Variants in TMEM132B observed in about 807,000 individuals in gnomAD.
The protein encoded by TMEM132B is transmembrane protein 132B.
In TMEM132B, 18 loss-of-function variants were observed where a neutral mutation model predicts 90.8. The ratio of observed to expected loss-of-function variants is 0.20; its 90% CI spans 0.14 to 0.29. The LOEUF (loss-of-function observed/expected upper bound fraction) is 0.29. Ranked by LOEUF, TMEM132B falls within the 10% of genes least tolerant of loss-of-function variation. The probability of loss-of-function intolerance (pLI) is 1.00; values close to 1 mark genes in which losing one functional copy is unlikely to be tolerated. For missense variants in TMEM132B, 1,096 were observed against 1,326.8 expected, an observed-to-expected ratio of 0.83 and a Z score of 2.70; for synonymous variants, 504 against 523.3, an observed-to-expected ratio of 0.96 and a Z score of 0.50.
intron 2 of TMEM132B, among the ~76,000 whole-genome samples, chr12:125,387,592 G>A (rs1878878416): frequency 6.6e-6 from 1 of 152,158 alleles, no homozygotes; most frequent in African/African-American, 2.4e-5. Context: ...GAACAGCATT[G>A]GAAACAGCTT....
At chr12:125,394,501 C>T (rs189023092) in intron 2 of TMEM132B, among the ~76,000 whole-genome samples, 14 of 152,180 alleles carry the variant, frequency 9.2e-5, no homozygotes, top group Admixed American at 7.8e-4. Context: ...GTCAAGTGGG[C>T]GACAGGGTTG....
intron 1 of TMEM132B, among the ~76,000 whole-genome samples, chr12:125,265,639 T>C (rs1475569811): frequency 6.6e-6 from 1 of 152,240 alleles, no homozygotes; most frequent in Non-Finnish European, 1.5e-5. Flanking sequence ...CAGGGGCCTC[T>C]GCAATCTGCA....
intron 5 of TMEM132B, among the ~76,000 whole-genome samples, chr12:125,619,596 C>T (rs758818837): frequency 3.3e-5 from 5 of 151,984 alleles, no homozygotes; most frequent in Non-Finnish European, 7.4e-5. Context: ...AACTCCTGAC[C>T]TTAGGTGATC....
intron 5 of TMEM132B, chr12:125,586,027 A>G (rs1650579165): frequency 2.6e-5 from 4 of 152,304 alleles, no homozygotes; most frequent in Middle Eastern, 6.8e-3. Context: ...TATAACTCCA[A>G]GTTGAATGGA....
chr12:125,521,023 A>C (rs1883293724), intron 4 of TMEM132B, among the ~76,000 whole-genome samples: 1 of 152,204 alleles, frequency 6.6e-6, no homozygotes, highest in Non-Finnish European at 1.5e-5. Context: ...GTGGGTTTTA[A>C]GGTGGAATGA....
At chr12:125,453,140 A>T (rs183035704) in intron 3 of TMEM132B, among the ~76,000 whole-genome samples, 29 of 151,812 alleles carry the variant, frequency 1.9e-4, no homozygotes, top group Admixed American at 4.6e-4. Context: ...AATTTTTTTA[A>T]TTCACTCACA....
chr12:125,536,365 G>T (rs1316717706), intron 4 of TMEM132B, among the ~76,000 whole-genome samples: 2 of 152,228 alleles, frequency 1.3e-5, no homozygotes, highest in East Asian at 3.9e-4. Flanking sequence ...GGCAGATTCT[G>T]TTGGCTCCAG....
chr12:125,600,025 T>A (rs368155531), intron 5 of TMEM132B, among the ~76,000 whole-genome samples: 1 of 152,192 alleles, frequency 6.6e-6, no homozygotes, highest in Admixed American at 6.5e-5. Context: ...TAGATTGTGA[T>A]GGTTATTTCA....
rs150037147 is a variant in TMEM132B, at chr12:125,616,734, C to T, written c.1438-27342C>T. On this transcript the variant is annotated intron_variant, in intron 5 of 8. Transcript: ENST00000682704. ...TTATGAACTTAATTTTGTGTTCCCCCACCCAATTCATGTGTTGCAGCCCTA... is the reference window on the plus strand; with the variant it reads ...TTATGAACTTAATTTTGTGTTCCCCTACCCAATTCATGTGTTGCAGCCCTA... Among the ~76,000 whole-genome samples the T allele has an allele frequency of 2.6e-5, 4 of 152,256 alleles. No homozygotes were observed. The East Asian group carries it at 7.7e-4, about 29-fold the overall frequency.
chr12:125,611,371 A>G (rs1885822582), intron 5 of TMEM132B, among the ~76,000 whole-genome samples: 2 of 150,502 alleles, frequency 1.3e-5, no homozygotes, highest in Admixed American at 6.6e-5. Flanking sequence ...GGTTTTGCTG[A>G]TTTTTCTCTA....
chr12:125,414,853 G>A (rs1879965188), intron 2 of TMEM132B, among the ~76,000 whole-genome samples: 1 of 152,146 alleles, frequency 6.6e-6, no homozygotes, highest in Non-Finnish European at 1.5e-5. Flanking sequence ...AGCAACGTGA[G>A]GATCATTTCA....
At chr12:125,210,071 A>G (rs1169181829) in intron 1 of TMEM132B, among the ~76,000 whole-genome samples, 1 of 152,226 alleles carries the variant, frequency 6.6e-6, no homozygotes, top group Non-Finnish European at 1.5e-5. Context: ...GGACAGTCAG[A>G]TCGGGGAGGC....
At chr12:125,557,095 T>C (rs938352757) in intron 4 of TMEM132B, among the ~76,000 whole-genome samples, 2 of 152,216 alleles carry the variant, frequency 1.3e-5, no homozygotes, top group Non-Finnish European at 1.5e-5. Context: ...TTTGTTATCA[T>C]ATACACACTT....
At position 125,659,631 on chromosome 12, in the gene TMEM132B, G is replaced by C. The variant is rs1292859388; in HGVS notation, c.*4921G>C. On this transcript the variant is annotated 3_prime_UTR_variant, in exon 9 of 9. Transcript: ENST00000682704. ...TGGTGTGTGTGTATTTCTTGAAACT[G>C]CAGAGTCATTTTTGGCATGCTGGCA... The C allele has an allele frequency of 2.0e-5, 3 of 152,220 alleles. No individual in the cohort carries two copies. The East Asian group carries it at 5.8e-4, about 29-fold the overall frequency. 9.4% of individuals were successfully genotyped at this position (152,220 alleles called of 1,614,324 possible).
chr12:125,593,273 C>T (rs1286469367), intron 5 of TMEM132B, among the ~76,000 whole-genome samples: 4 of 152,186 alleles, frequency 2.6e-5, no homozygotes, highest in African/African-American at 9.7e-5. Context: ...GCATTCTCAA[C>T]CTTTTGTTCC....
At chr12:125,212,509 G>A (rs973117250) in intron 1 of TMEM132B, among the ~76,000 whole-genome samples, 2 of 151,866 alleles carry the variant, frequency 1.3e-5, no homozygotes, top group South Asian at 2.1e-4. Context: ...CCTGGCCAGC[G>A]TGGTGAAACC....
intron 2 of TMEM132B, among the ~76,000 whole-genome samples, chr12:125,383,423 G>T (rs777407871): frequency 2.6e-5 from 4 of 152,116 alleles, no homozygotes; most frequent in Non-Finnish European, 5.9e-5. Flanking sequence ...TCAATCTGTT[G>T]ATTTTCTAGT....
chr12:125,499,090 G>A (rs111382068), intron 3 of TMEM132B, among the ~76,000 whole-genome samples: 4,800 of 152,280 alleles, frequency 0.032, 145 homozygotes, highest in African/African-American at 0.079. Context: ...TAATTAAAAT[G>A]CCAGCTGCAA....
intron 2 of TMEM132B, among the ~76,000 whole-genome samples, chr12:125,354,381 T>C (rs143535481): frequency 1.4e-4 from 21 of 152,302 alleles, no homozygotes; most frequent in Non-Finnish European, 2.8e-4. Context: ...CTTTGAAAAT[T>C]TTGAAGATTT....
Sources: allele counts gnomAD v4.1 joint callset (sites outside exome capture counted in the v4.1 genomes callset), GRCh38; gene constraint gnomAD v4.1.1; transcripts MANE v1.5; gene names NCBI Gene and HGNC (gene_info 2026-07-23, HGNC 2026-07-21).